The following FANCL variants were observed in gnomAD, a reference collection of about 807,000 sequenced individuals.
The protein encoded by FANCL is FA complementation group L, also known as E3 ubiquitin-protein ligase FANCL.
A neutral mutation model predicts 59.4 loss-of-function variants in FANCL; 69 were observed. The observed-to-expected ratio is 1.16, with a 90% CI of 0.96 to 1.42. The LOEUF (loss-of-function observed/expected upper bound fraction) is 1.42. FANCL is among the 40% of genes most tolerant of loss of function. The pLI is 0.00. For missense variants in FANCL, 519 were observed against 447.2 expected (o/e 1.16, Z -1.45); for synonymous variants, 180 against 147.1 (o/e 1.22, Z -1.62).
chr2:58,175,738 T>G (rs973195220), intron 7 of FANCL, among the ~76,000 whole-genome samples: 4 of 152,130 alleles, frequency 2.6e-5, no homozygotes, highest in African/African-American at 9.7e-5. Context: ...AGGGATGCCC[T>G]CTCTCACCAC....
Position 58,159,653 on chromosome 2 carries a change from T to G in FANCL, c.*112A>C, listed in dbSNP as rs146396399. The G allele has an allele frequency of 6.7e-5, 108 of 1,613,630 alleles. No individual in the cohort carries two copies. In the African/African-American group the frequency reaches 1.3e-3, roughly 20 times the overall value. ...TATTATTATCGCATCATCATACCTG[T>G]CCTTTTGATGTTAGTATTTCTTGCT... On this transcript the variant is annotated 3_prime_UTR_variant, in exon 14 of 14. Transcript: ENST00000233741.
At chr2:58,160,990 C>T (rs1004097971) in intron 12 of FANCL, among the ~76,000 whole-genome samples, 2 of 151,960 alleles carry the variant, frequency 1.3e-5, no homozygotes, top group African/African-American at 4.8e-5. Context: ...TGAAAGTAGA[C>T]TTCACATACA....
At chr2:58,221,816 A>G in intron 5 of FANCL, 126 bp downstream of exon 5, 1 of 683,458 alleles carries the variant, frequency 1.5e-6, no homozygotes, top group Non-Finnish European at 2.6e-6. Context: ...AACAATAAGG[A>G]TCAAATACTC....
intron 7 of FANCL, among the ~76,000 whole-genome samples, chr2:58,173,707 G>A (rs1344970451): frequency 2.0e-5 from 3 of 152,090 alleles, no homozygotes; most frequent in African/African-American, 4.8e-5. Flanking sequence ...GACCATCGAG[G>A]CTAGGAAGAA....
At chr2:58,198,982 C>A (rs1021562653) in intron 6 of FANCL, among the ~76,000 whole-genome samples, 2 of 148,358 alleles carry the variant, frequency 1.3e-5, no homozygotes, top group African/African-American at 5.0e-5. Flanking sequence ...TGAGCCGAGA[C>A]TGCGCCACTG....
At chr2:58,162,824 A>T in intron 11 of FANCL, 42 bp downstream of exon 11, 3 of 1,519,222 alleles carry the variant, frequency 2.0e-6, no homozygotes, top group Non-Finnish European at 2.7e-6. Context: ...AAACTTCATT[A>T]TGCAATACTG....
Position 58,161,397 on chromosome 2 carries a change from G to A in FANCL, c.1020+125C>T, listed in dbSNP as rs1364346144. 3 of 739,038 alleles carry A rather than the reference G, an allele frequency of 4.1e-6. No homozygotes were observed. The African/African-American group carries it at 5.2e-5, about 13-fold the overall frequency. The allele number at this position is 739,038 out of a possible 1,614,324, so 45.8% of individuals were successfully genotyped here. A position where few individuals can be genotyped will look rare whatever the true frequency, so the allele number is the denominator to read the frequency against. Reference sequence around the variant, plus strand: ...AGCATCTGGAATAAACTGGTAAAAGGAGTTAATGGCAAAAGAGAGGATCAC... The same window carrying A: ...AGCATCTGGAATAAACTGGTAAAAGAAGTTAATGGCAAAAGAGAGGATCAC... On this transcript the variant is annotated intron_variant, in intron 12 of 13. Transcript: ENST00000233741.
chr2:58,165,708 T>A lies in FANCL; in HGVS notation c.691+16A>T. ...AAAACACCTAAAAACAAACCCTTAA[T>A]CCTCCTTGTCCCTACCTAATGCAAT... On this transcript the variant is annotated intron_variant, in intron 8 of 13. Coordinates refer to ENST00000233741, the MANE Select transcript of FANCL (RefSeq NM_018062.4). 5 of 1,614,038 alleles carry A rather than the reference T, an allele frequency of 3.1e-6. No homozygotes were observed. Among genetic ancestry groups the A allele is most frequent in the Non-Finnish European group, 4.2e-6 (5 of 1,179,926 alleles).
chr2:58,241,214 G>A lies in FANCL; in HGVS notation c.96+4C>T, dbSNP rs1279339819. 1.2e-6 allele frequency: 2 copies of A among 1,614,178 alleles called. No individual in the cohort carries two copies. The highest frequency in any genetic ancestry group is 2.2e-5 in the South Asian group (2 of 91,088). On this transcript the variant is annotated splice_donor_region_variant and intron_variant, in intron 1 of 13. Transcript: ENST00000233741. ...TAGCTAGAAAGCAACCACTGGGCGG[G>A]TACCTGAGCCGAGATGAATCCCTCA...
chr2:58,188,047 A>G (rs1423526766), intron 7 of FANCL, among the ~76,000 whole-genome samples: 1 of 152,048 alleles, frequency 6.6e-6, no homozygotes, highest in Admixed American at 6.6e-5. Context: ...TAGAAGCTTT[A>G]TATTTATGTT....
chr2:58,174,744 C>A (rs1022278791), intron 7 of FANCL, among the ~76,000 whole-genome samples: 1 of 152,112 alleles, frequency 6.6e-6, no homozygotes, highest in Non-Finnish European at 1.5e-5. Context: ...AAAGCAAGAG[C>A]AAACACATTC....
At chr2:58,215,817 T>A (rs1691660791) in intron 5 of FANCL, among the ~76,000 whole-genome samples, 1 of 151,680 alleles carries the variant, frequency 6.6e-6, no homozygotes, top group Non-Finnish European at 1.5e-5. Context: ...TGGCCTAACA[T>A]TCTGCCAATA....
At chr2:58,176,846 C>A (rs1183029323) in intron 7 of FANCL, among the ~76,000 whole-genome samples, 1 of 152,074 alleles carries the variant, frequency 6.6e-6, no homozygotes, top group Non-Finnish European at 1.5e-5. Context: ...AACAGGCAAC[C>A]TACAAAATGG....
At chr2:58,223,833 TACA>T (rs920965591) in intron 4 of FANCL, among the ~76,000 whole-genome samples, 5 of 151,952 alleles carry the variant, frequency 3.3e-5, no homozygotes, top group Non-Finnish European at 5.9e-5. Flanking sequence ...ATGGAAGATT[TACA>T]ACATTTTCTG....
chr2:58,167,233 G>A (rs897098633), intron 7 of FANCL, among the ~76,000 whole-genome samples: 3 of 152,114 alleles, frequency 2.0e-5, no homozygotes, highest in Admixed American at 6.6e-5. Context: ...AAGGTGTGAA[G>A]TAGGAATTAG....
At chr2:58,182,656 G>T (rs1044933531) in intron 7 of FANCL, among the ~76,000 whole-genome samples, 6 of 151,814 alleles carry the variant, frequency 4.0e-5, no homozygotes, top group Admixed American at 3.9e-4. Flanking sequence ...CAAAGTATAT[G>T]AGTCAAGCAC....
chr2:58,223,264 T>C (rs1692661882), intron 4 of FANCL, among the ~76,000 whole-genome samples: 1 of 151,896 alleles, frequency 6.6e-6, no homozygotes, highest in Non-Finnish European at 1.5e-5. Flanking sequence ...AAATGACTAA[T>C]GTTGCCTAAA....
At position 58,159,650 on chromosome 2, in the gene FANCL, C is replaced by T. The variant is rs1684774234; in HGVS notation, c.*115G>A. 1.2e-6 allele frequency: 2 copies of T among 1,613,510 alleles called. No homozygotes were observed. The highest frequency in any genetic ancestry group is 2.2e-5 in the South Asian group (2 of 91,046). On this transcript the variant is annotated 3_prime_UTR_variant, in exon 14 of 14. Coordinates refer to ENST00000233741, the MANE Select transcript of FANCL (RefSeq NM_018062.4). ...GTTTATTATTATCGCATCATCATAC[C>T]TGTCCTTTTGATGTTAGTATTTCTT...
intron 5 of FANCL, among the ~76,000 whole-genome samples, chr2:58,217,221 C>T (rs1160798140): frequency 0.038 from 366 of 9,516 alleles, 1 homozygote; most frequent in Non-Finnish European, 0.041. Flanking sequence ...TATATACACA[C>T]ACACACACAC....
Sources: gnomAD v4.1 joint callset for allele counts (sites outside exome capture counted in the v4.1 genomes callset) on GRCh38, gnomAD v4.1.1 for gene constraint, MANE v1.5 for transcripts, NCBI Gene and HGNC (gene_info 2026-07-23, HGNC 2026-07-21) for gene names.